The following MALRD1 variants were observed in gnomAD, a reference collection of about 807,000 sequenced individuals.
MALRD1 encodes the protein MAM and LDL-receptor class A domain-containing protein 1.
In MALRD1, 247 loss-of-function variants were observed where a neutral mutation model predicts 242.1. That is an observed-to-expected ratio of 1.02 (90% CI 0.92 to 1.13). The LOEUF is 1.13. Ranked by LOEUF, MALRD1 falls within the 50% of genes most tolerant of loss-of-function variation. The probability of loss-of-function intolerance (pLI) is 0.00; values close to 1 mark genes in which losing one functional copy is unlikely to be tolerated. For missense variants in MALRD1, 2,989 were observed against 2,533.1 expected, an observed-to-expected ratio of 1.18 and a Z score of -3.86; for synonymous variants, 995 against 866.6, an observed-to-expected ratio of 1.15 and a Z score of -2.60.
intron 14 of MALRD1, among the ~76,000 whole-genome samples, chr10:19,202,014 C>T (rs1225877006): frequency 2.6e-5 from 4 of 151,996 alleles, no homozygotes; most frequent in South Asian, 2.1e-4. Context: ...CGGGGTTTCA[C>T]CATATTGGCC....
intron 28 of MALRD1, among the ~76,000 whole-genome samples, chr10:19,410,745 A>G (rs1833245821): frequency 6.6e-6 from 1 of 151,474 alleles, no homozygotes; most frequent in African/African-American, 2.4e-5. Context: ...TCAAGAATAA[A>G]TGTTGCAAGG....
intron 29 of MALRD1, among the ~76,000 whole-genome samples, chr10:19,487,339 T>G (rs1368583120): frequency 7.0e-6 from 1 of 143,552 alleles, no homozygotes; most frequent in Non-Finnish European, 1.5e-5. Context: ...TCTTAAAAAA[T>G]ATACGTGAGG....
chr10:19,226,105 A>C (rs1026073260), intron 18 of MALRD1, among the ~76,000 whole-genome samples: 1 of 152,192 alleles, frequency 6.6e-6, no homozygotes, highest in Non-Finnish European at 1.5e-5. Flanking sequence ...AACATTCTTA[A>C]TACAATATTA....
intron 20 of MALRD1, among the ~76,000 whole-genome samples, chr10:19,280,553 G>C (rs1306886529): frequency 6.6e-6 from 1 of 152,112 alleles, no homozygotes. Context: ...ATAAAATAGG[G>C]AATGTTTAGG....
intron 36 of MALRD1, among the ~76,000 whole-genome samples, chr10:19,682,078 T>C (rs985432217): frequency 2.6e-5 from 4 of 152,166 alleles, no homozygotes; most frequent in African/African-American, 7.2e-5. Flanking sequence ...ATTAGAACAA[T>C]TATAAATAAA....
At chr10:19,107,147 G>A (rs752522349) in intron 5 of MALRD1, among the ~76,000 whole-genome samples, 1 of 151,854 alleles carries the variant, frequency 6.6e-6, no homozygotes, top group Non-Finnish European at 1.5e-5. Context: ...AGGTTTATTT[G>A]ATCTAGAGTT....
chr10:19,314,090 C>T (rs1564553333), intron 21 of MALRD1, among the ~76,000 whole-genome samples: 1 of 151,498 alleles, frequency 6.6e-6, no homozygotes, highest in African/African-American at 2.4e-5. Context: ...ACAGATTCAG[C>T]GAATATTTGC....
chr10:19,677,370 T>C (rs1036532273), intron 36 of MALRD1, among the ~76,000 whole-genome samples: 3 of 152,234 alleles, frequency 2.0e-5, no homozygotes, highest in Non-Finnish European at 2.9e-5. Context: ...TGCTGTGAGA[T>C]GGTATCTCAT....
chr10:19,370,575 T>A (rs996922889), intron 26 of MALRD1, among the ~76,000 whole-genome samples: 1 of 152,140 alleles, frequency 6.6e-6, no homozygotes, highest in Non-Finnish European at 1.5e-5. Context: ...CACATATTGT[T>A]TTGTTTTGTT....
chr10:19,523,661 A>G (rs1833972768), intron 31 of MALRD1, among the ~76,000 whole-genome samples: 1 of 152,154 alleles, frequency 6.6e-6, no homozygotes, highest in Non-Finnish European at 1.5e-5. Flanking sequence ...CTCTAGCTGT[A>G]ACTTATAGGA....
chr10:19,321,201 TCATGATAAAATTGGCTATTCC>T (rs1842903626), intron 21 of MALRD1, among the ~76,000 whole-genome samples: 1 of 152,164 alleles, frequency 6.6e-6, no homozygotes, highest in Non-Finnish European at 1.5e-5. Context: ...TCTGTTCTTC[TCATGATAAAATTGGCTATTCC>T]TGTCTTCTTG....
chr10:19,304,306 G>A (rs907595711), intron 21 of MALRD1, among the ~76,000 whole-genome samples: 3 of 151,254 alleles, frequency 2.0e-5, no homozygotes, highest in African/African-American at 7.3e-5. Context: ...TATGTGAGCC[G>A]ATTCCCACAA....
intron 36 of MALRD1, among the ~76,000 whole-genome samples, chr10:19,648,528 T>G (rs1179266565): frequency 6.6e-6 from 1 of 152,034 alleles, no homozygotes; most frequent in Non-Finnish European, 1.5e-5. Context: ...AACCAATAAA[T>G]GAACAACTGA....
In MALRD1 at chr10:19,389,484, G is replaced by T. The variant is rs754881326; in HGVS notation, c.4720G>T (p.Gly1574Cys). The change falls in exon 28 of 40, where the codon GGC (glycine) becomes TGC (cysteine). Residue 1574 changes from glycine (G) to cysteine (C), a missense_variant. Transcript: ENST00000454679. ...HFMYLEATAV[G>C]LRGDKAHFRS... ...CATGTATCTGGAAGCTACTGCAGTGGGCCTTCGGGGTGACAAAGCACACTT... is the reference window on the plus strand; with the variant it reads ...CATGTATCTGGAAGCTACTGCAGTGTGCCTTCGGGGTGACAAAGCACACTT... 5.8e-6 allele frequency: 9 copies of T among 1,550,526 alleles called. 1 individual carries two copies. In the South Asian group the frequency reaches 1.1e-4, roughly 18 times the overall value.
intron 18 of MALRD1, among the ~76,000 whole-genome samples, 186 bp from the exon 19 acceptor site, chr10:19,257,498 G>A (rs1054179361): frequency 9.9e-5 from 15 of 152,028 alleles, no homozygotes; most frequent in African/African-American, 2.4e-5. Flanking sequence ...TAGTATGGAG[G>A]TTTCTGTTAC....
intron 18 of MALRD1, among the ~76,000 whole-genome samples, chr10:19,223,076 A>G (rs531827833): frequency 6.6e-6 from 1 of 152,320 alleles, no homozygotes; most frequent in East Asian, 1.9e-4. Flanking sequence ...GATTAGGGAC[A>G]TAATGGATTC....
chr10:19,491,982 T>C (rs577571810), intron 30 of MALRD1, among the ~76,000 whole-genome samples: 127 of 151,982 alleles, frequency 8.4e-4, no homozygotes, highest in Non-Finnish European at 1.6e-3. Context: ...CCTTTCTTTA[T>C]TGGTTGTTTT....
rs1426329270 is a variant in MALRD1 at position 19,389,838 on chromosome 10, T to G, written c.4845+229T>G. Among the ~76,000 whole-genome samples, 3 of 152,020 alleles carry G rather than the reference T, an allele frequency of 2.0e-5. No individual in the cohort carries two copies. The South Asian group carries it at 6.2e-4, about 32-fold the overall frequency. The stretch of plus-strand genomic sequence containing the variant: ...ATTCTTTGTAGAGAATAATTTTATA[T>G]TTTTTGTAGAGATTTTATATTCTTT... On this transcript the variant is annotated intron_variant, in intron 28 of 39. Coordinates refer to ENST00000454679, the MANE Select transcript of MALRD1 (RefSeq NM_001142308.3).
At chr10:19,369,554 T>G (rs1193745042) in intron 26 of MALRD1, among the ~76,000 whole-genome samples, 1 of 149,148 alleles carries the variant, frequency 6.7e-6, no homozygotes, top group Non-Finnish European at 1.5e-5. Flanking sequence ...TTAAATATAT[T>G]TACATATAAT....
Sources: gnomAD v4.1 joint callset for allele counts (sites outside exome capture counted in the v4.1 genomes callset) on GRCh38, gnomAD v4.1.1 for gene constraint, MANE v1.5 for transcripts, NCBI Gene and HGNC (gene_info 2026-07-23, HGNC 2026-07-21) for gene names.